Variants in NPC1 observed in about 807,000 individuals in gnomAD.
NPC1 encodes Niemann-Pick C1 protein.
In NPC1, 85 loss-of-function variants were observed where a neutral mutation model predicts 140.4. The ratio of observed to expected loss-of-function variants is 0.61; its 90% CI spans 0.51 to 0.72. The LOEUF (loss-of-function observed/expected upper bound fraction) is 0.72, where lower values mean the gene tolerates loss of function less well. Ranked by LOEUF, NPC1 falls within the 30% of genes least tolerant of loss-of-function variation. The pLI is 0.00. For synonymous variants in NPC1, 656 were observed against 624.8 expected, an observed-to-expected ratio of 1.05 and a Z score of -0.74; for missense variants, 1,504 against 1,623.8, an observed-to-expected ratio of 0.93 and a Z score of 1.27.
In NPC1 at chr18:23,514,281, C is replaced by T. The variant is rs533006213; in HGVS notation, c.432-7639G>A. Among the ~76,000 whole-genome samples the T allele has an allele frequency of 6.6e-5, 10 of 152,288 alleles. No individual in the cohort carries two copies. The East Asian group carries it at 1.3e-3, about 21-fold the overall frequency. ...CTGTAATCCTAGCACTTTGGGAGGCCGAGGTGGGCGATCATCTGAGGTCAG... is the reference window on the plus strand; with the variant it reads ...CTGTAATCCTAGCACTTTGGGAGGCTGAGGTGGGCGATCATCTGAGGTCAG... On this transcript the variant is annotated intron_variant, in intron 3 of 3. Coordinates refer to the NPC1 transcript ENST00000591107.
intron 3 of NPC1, among the ~76,000 whole-genome samples, chr18:23,571,800 C>T (rs2059208060): frequency 6.6e-6 from 1 of 152,008 alleles, no homozygotes; most frequent in Non-Finnish European, 1.5e-5. Context: ...GATCACACCA[C>T]AAACCACTGC....
intron 2 of NPC1, among the ~76,000 whole-genome samples, chr18:23,572,745 ATTGC>A (rs1356325570): frequency 5.9e-5 from 9 of 152,132 alleles, no homozygotes; most frequent in African/African-American, 2.2e-4. Context: ...GAGTTGAGAG[ATTGC>A]TTGAGCTCAG....
intron 7 of NPC1, 119 bp from the exon 8 acceptor site, chr18:23,556,732 CAT>C (rs1373255945): frequency 2.8e-5 from 41 of 1,475,914 alleles, no homozygotes; most frequent in Middle Eastern, 2.3e-4. Flanking sequence ...CCTGGGGACA[CAT>C]ATGAGACCCC....
At chr18:23,574,667 T>G (rs539358874) in intron 1 of NPC1, among the ~76,000 whole-genome samples, 1 of 152,044 alleles carries the variant, frequency 6.6e-6, no homozygotes, top group African/African-American at 2.4e-5. Flanking sequence ...AATATCACTT[T>G]TCTCTGAATT....
chr18:23,577,583 C>T (rs1271292151), intron 1 of NPC1, among the ~76,000 whole-genome samples: 1 of 152,218 alleles, frequency 6.6e-6, no homozygotes, highest in Non-Finnish European at 1.5e-5. Flanking sequence ...GGATCCCGCA[C>T]CGGGGCTGCA....
intron 14 of NPC1, among the ~76,000 whole-genome samples, chr18:23,542,044 A>AAAC (rs533217203): frequency 2.6e-5 from 4 of 152,144 alleles, no homozygotes; most frequent in African/African-American, 9.7e-5. Flanking sequence ...CTTGGAAGAA[A>AAAC]AACAACAACA....
chr18:23,567,614 A>C (rs1303775318), intron 4 of NPC1, among the ~76,000 whole-genome samples: 1 of 152,168 alleles, frequency 6.6e-6, no homozygotes, highest in African/African-American at 2.4e-5. Flanking sequence ...TCAATTTTTC[A>C]CAATCACAAT....
intron 9 of NPC1, 38 bp downstream of exon 9, chr18:23,554,720 A>C (rs770649987): frequency 6.5e-7 from 1 of 1,546,994 alleles, no homozygotes; most frequent in Non-Finnish European, 8.9e-7. Flanking sequence ...GTCAGACCCA[A>C]GAATGGTGTC....
chr18:23,551,359 C>T (rs982845116), intron 10 of NPC1, among the ~76,000 whole-genome samples: 2 of 152,176 alleles, frequency 1.3e-5, no homozygotes, highest in African/African-American at 4.8e-5. Flanking sequence ...CAGAGGTTTG[C>T]AATTGCATTA....
chr18:23,538,369 G>A (rs1209748320), intron 20 of NPC1, among the ~76,000 whole-genome samples, 173 bp downstream of exon 20: 2 of 152,186 alleles, frequency 1.3e-5, no homozygotes, highest in Non-Finnish European at 2.9e-5. Flanking sequence ...AACACTATGA[G>A]GCATTTTCTT....
At chr18:23,549,682 TG>T (rs1198928494) in intron 10 of NPC1, among the ~76,000 whole-genome samples, 11 of 152,192 alleles carry the variant, frequency 7.2e-5, no homozygotes, top group Admixed American at 7.2e-4. Context: ...TTTCTTCTTT[TG>T]TTATCTTTCA....
intron 9 of NPC1, among the ~76,000 whole-genome samples, chr18:23,552,148 A>G (rs566329472): frequency 9.2e-5 from 14 of 152,296 alleles, no homozygotes; most frequent in Non-Finnish European, 1.9e-4. Context: ...AGAGGGAATG[A>G]GAGCAAGATG....
At chr18:23,564,669 T>C (rs1171242256) in intron 4 of NPC1, among the ~76,000 whole-genome samples, 2 of 152,228 alleles carry the variant, frequency 1.3e-5, no homozygotes, top group African/African-American at 2.4e-5. Context: ...AACTTTTTTA[T>C]TTTAATGAAG....
At chr18:23,544,644 A>T in intron 12 of NPC1, 118 bp from the exon 13 acceptor site, 4 of 943,898 alleles carry the variant, frequency 4.2e-6, no homozygotes, top group Non-Finnish European at 6.7e-6. Context: ...TTGAATGTAC[A>T]ATTCTGTGTT....
At chr18:23,549,169 C>G in intron 10 of NPC1, among the ~76,000 whole-genome samples, 1 of 152,180 alleles carries the variant, frequency 6.6e-6, no homozygotes, top group East Asian at 1.9e-4. Flanking sequence ...AAACTGCCTT[C>G]CAAAGAAGCT....
chr18:23,584,349 C>G (rs1032670635), intron 1 of NPC1, among the ~76,000 whole-genome samples: 2 of 152,200 alleles, frequency 1.3e-5, no homozygotes, highest in African/African-American at 4.8e-5. Flanking sequence ...GGCTCCACCC[C>G]AATCTGTTCA....
intron 20 of NPC1, 36 bp downstream of exon 20, chr18:23,538,506 C>T: frequency 1.2e-6 from 2 of 1,613,630 alleles, no homozygotes; most frequent in Non-Finnish European, 1.7e-6. Flanking sequence ...ATTAAAGTTG[C>T]AGTGGATGCT....
At chr18:23,547,948 C>T in intron 11 of NPC1, 58 bp downstream of exon 11, 1 of 1,010,910 alleles carries the variant, frequency 9.9e-7, no homozygotes, top group Non-Finnish European at 1.6e-6. Context: ...GTGCTTGCCG[C>T]AAGTGTCTAG....
chr18:23,554,034 C>T (rs545753159), intron 9 of NPC1, among the ~76,000 whole-genome samples: 1 of 152,102 alleles, frequency 6.6e-6, no homozygotes, highest in African/African-American at 2.4e-5. Flanking sequence ...ACTGTGTTAG[C>T]GACCCAGGCA....
Sources: allele counts gnomAD v4.1 joint callset (sites outside exome capture counted in the v4.1 genomes callset), GRCh38; gene constraint gnomAD v4.1.1; transcripts MANE v1.5; gene names NCBI Gene and HGNC (gene_info 2026-07-23, HGNC 2026-07-21).